Variants in TNRC6B observed in about 807,000 individuals in gnomAD.
TNRC6B encodes the protein trinucleotide repeat containing adaptor 6B.
Under a neutral mutation model 203.6 loss-of-function variants are expected in TNRC6B, and 52 were observed. That is an observed-to-expected ratio of 0.26 (90% CI 0.20 to 0.32). TNRC6B has a LOEUF of 0.32. TNRC6B is among the 10% of genes least tolerant of loss of function. TNRC6B has a pLI of 1.00. For synonymous variants in TNRC6B, 838 were observed against 845.7 expected, an observed-to-expected ratio of 0.99 and a Z score of 0.16; for missense variants, 1,923 against 2,286.2, an observed-to-expected ratio of 0.84 and a Z score of 3.24.
At chr22:40,164,761 A>AGGG (rs2068903486) in intron 4 of TNRC6B, among the ~76,000 whole-genome samples, 3 of 18,532 alleles carry the variant, frequency 1.6e-4, no homozygotes, top group Non-Finnish European at 2.7e-4. Context: ...ATTCTGTCTC[A>AGGG]AAAAAAAAAA....
rs879357503 is a variant in TNRC6B, at chr22:40,130,625, C to CA, written c.45+4775dup. On this transcript the variant is annotated intron_variant, in intron 3 of 23. Coordinates refer to the TNRC6B transcript ENST00000301923. The stretch of plus-strand genomic sequence containing the variant: ...TGAAACTCCGTCTCTACTAAAAATG[C>CA]AAAAAAAAAAAATTAGCCGGGCGAG... 5.9e-3 allele frequency among the ~76,000 whole-genome samples: 810 copies of CA among 137,378 alleles called. 6 individuals carry two copies. Among genetic ancestry groups the CA allele is most frequent in the African/African-American group, 0.015 (571 of 37,548 alleles). 90.1% of individuals were successfully genotyped at this position (137,378 alleles called of 152,430 possible). A position where few individuals can be genotyped will look rare whatever the true frequency, so the allele number is the denominator to read the frequency against.
At position 40,335,670 on chromosome 22, in the gene TNRC6B, G is replaced by A. The variant is rs2044025202; in HGVS notation, c.*12429G>A. On this transcript the variant is annotated 3_prime_UTR_variant, in exon 23 of 23. Coordinates refer to ENST00000454349, the MANE Select transcript of TNRC6B (RefSeq NM_001162501.2). ...AACAGCTTATTTTTGTTTTTGTTTA[G>A]TTTTTTTATTTTATTTTATTTTGGA... 1 of 142,864 alleles carries A rather than the reference G, an allele frequency of 7.0e-6. No homozygotes were observed. Among genetic ancestry groups the A allele is most frequent in the Non-Finnish European group, 1.5e-5 (1 of 65,730 alleles). The allele number at this position is 142,864 out of a possible 1,614,324, so 8.8% of individuals were successfully genotyped here.
Position 40,090,242 on chromosome 22 carries a change from G to C in TNRC6B, c.-120-26813G>C, listed in dbSNP as rs761190859. 2.5e-4 allele frequency among the ~76,000 whole-genome samples: 38 copies of C among 152,160 alleles called. 1 individual carries two copies. Among genetic ancestry groups the C allele is most frequent in the Non-Finnish European group, 1.8e-4 (12 of 68,020 alleles). On this transcript the variant is annotated intron_variant, in intron 1 of 23. Transcript: ENST00000301923. ...GAATGGTAAGAGTAAGTTTAGTTTT[G>C]TGAGAAACTACCAAACTTGTCTTGC...
intron 1 of TNRC6B, among the ~76,000 whole-genome samples, chr22:40,107,770 TTAAC>T (rs1383457540): frequency 2.0e-5 from 3 of 152,038 alleles, no homozygotes; most frequent in African/African-American, 4.8e-5. Context: ...TAAAATGGCT[TTAAC>T]TAAGGCAGTG....
chr22:40,118,553 T>G (rs1345933549), intron 2 of TNRC6B, among the ~76,000 whole-genome samples: 1 of 152,240 alleles, frequency 6.6e-6, no homozygotes, highest in Non-Finnish European at 1.5e-5. Flanking sequence ...AGTAAATGTT[T>G]ATTGAATTGA....
At chr22:40,116,232 G>A (rs1229393049) in intron 1 of TNRC6B, among the ~76,000 whole-genome samples, 1 of 152,192 alleles carries the variant, frequency 6.6e-6, no homozygotes, top group Non-Finnish European at 1.5e-5. Flanking sequence ...CCAGCTTTCT[G>A]ACAGCGGTGT....
intron 7 of TNRC6B, among the ~76,000 whole-genome samples, chr22:40,275,065 C>T (rs919216520): frequency 2.0e-5 from 3 of 152,198 alleles, no homozygotes; most frequent in Non-Finnish European, 4.4e-5. Context: ...GCCTTCATCC[C>T]CTTTGCCCTT....
At chr22:40,070,814 A>G (rs1200643679) in intron 1 of TNRC6B, among the ~76,000 whole-genome samples, 3 of 151,886 alleles carry the variant, frequency 2.0e-5, no homozygotes, top group East Asian at 3.9e-4. Flanking sequence ...TGCACTTACC[A>G]TATGTTATAC....
chr22:40,248,527 A>C (rs2070140652), intron 2 of TNRC6B, among the ~76,000 whole-genome samples: 1 of 152,224 alleles, frequency 6.6e-6, no homozygotes, highest in African/African-American at 2.4e-5. Context: ...TCAATACCTA[A>C]AATGATTAAT....
chr22:40,294,282 A>G (rs2070910039), intron 12 of TNRC6B, among the ~76,000 whole-genome samples: 2 of 152,016 alleles, frequency 1.3e-5, no homozygotes, highest in South Asian at 4.1e-4. Context: ...CAGTCAATCA[A>G]TCAATCAATC....
intron 1 of TNRC6B, among the ~76,000 whole-genome samples, chr22:40,181,222 A>G (rs2069124631): frequency 6.6e-6 from 1 of 152,126 alleles, no homozygotes; most frequent in South Asian, 2.1e-4. Flanking sequence ...AGGCTTCTCC[A>G]GCTCTTCAGC....
chr22:40,167,463 G>GA (rs1429502654), intron 4 of TNRC6B, among the ~76,000 whole-genome samples: 1 of 152,130 alleles, frequency 6.6e-6, no homozygotes, highest in Admixed American at 6.6e-5. Flanking sequence ...AATGTGTGCA[G>GA]AATTTCAGAT....
intron 1 of TNRC6B, among the ~76,000 whole-genome samples, chr22:40,071,864 T>C (rs2067951596): frequency 6.6e-6 from 1 of 152,194 alleles, no homozygotes; most frequent in African/African-American, 2.4e-5. Flanking sequence ...TTAAATACTT[T>C]TTGTTTGTTT....
upstream of TNRC6B, among the ~76,000 whole-genome samples, chr22:40,173,420 CTCT>C (rs2069021774): frequency 9.8e-6 from 1 of 101,758 alleles, no homozygotes; most frequent in Non-Finnish European, 1.8e-5. Context: ...ATTCAGTTTA[CTCT>C]TTTTTTTTTT....
rs1407540318 is a variant in TNRC6B, at chr22:40,331,855, G to A, written c.*8614G>A. 7 of 355,760 alleles carry A rather than the reference G, an allele frequency of 2.0e-5. No homozygotes were observed. Among genetic ancestry groups the A allele is most frequent in the Non-Finnish European group, 3.5e-5 (7 of 197,282 alleles). 22.0% of individuals were successfully genotyped at this position (355,760 alleles called of 1,614,324 possible). A position where few individuals can be genotyped will look rare whatever the true frequency, so the allele number is the denominator to read the frequency against. On this transcript the variant is annotated 3_prime_UTR_variant, in exon 23 of 23. Coordinates refer to ENST00000454349, the MANE Select transcript of TNRC6B (RefSeq NM_001162501.2). ...GTGTCCTGGAGGGGAAGGGGAGTGA[G>A]AGACGAATGTGGTAAGGTCAGCACA...
intron 1 of TNRC6B, among the ~76,000 whole-genome samples, chr22:40,075,575 A>G (rs1438345996): frequency 1.3e-5 from 2 of 151,850 alleles, no homozygotes; most frequent in African/African-American, 4.8e-5. Context: ...CAATCTTACC[A>G]TCTTTGTTTT....
intron 1 of TNRC6B, among the ~76,000 whole-genome samples, chr22:40,237,806 C>T (rs2069968517): frequency 6.7e-6 from 1 of 149,698 alleles, no homozygotes; most frequent in South Asian, 2.1e-4. Flanking sequence ...CCCCTCTTCC[C>T]ATCTCTTCCC....
At chr22:40,068,029 C>G (rs1424580137) in intron 1 of TNRC6B, among the ~76,000 whole-genome samples, 1 of 152,150 alleles carries the variant, frequency 6.6e-6, no homozygotes, top group Non-Finnish European at 1.5e-5. Flanking sequence ...ACCTTAATCA[C>G]TGGGTCAAAT....
intron 1 of TNRC6B, among the ~76,000 whole-genome samples, chr22:40,234,902 A>G (rs1421551299): frequency 6.6e-6 from 1 of 152,150 alleles, no homozygotes; most frequent in Non-Finnish European, 1.5e-5. Context: ...TCCAATATAC[A>G]TATTTGGAGT....
Sources: gnomAD v4.1 joint callset for allele counts (sites outside exome capture counted in the v4.1 genomes callset) on GRCh38, gnomAD v4.1.1 for gene constraint, MANE v1.5 for transcripts, NCBI Gene and HGNC (gene_info 2026-07-23, HGNC 2026-07-21) for gene names.